ANKRD62: variants seen among roughly 807,000 people sequenced by gnomAD.
ANKRD62 encodes ankyrin repeat domain-containing protein 62.
A neutral mutation model predicts 98.8 loss-of-function variants in ANKRD62; 61 were observed. The observed-to-expected ratio is 0.62, with a 90% CI of 0.50 to 0.76. The LOEUF is 0.76. Among genes scored for constraint, ANKRD62 ranks in the 30% least tolerant of loss-of-function variants. The pLI, the probability that ANKRD62 is intolerant of heterozygous loss-of-function variation, is 0.00. For missense variants in ANKRD62, 933 were observed against 1,082.9 expected, an observed-to-expected ratio of 0.86 and a Z score of 1.94; for synonymous variants, 341 against 367.9, an observed-to-expected ratio of 0.93 and a Z score of 0.84.
intron 11 of ANKRD62, among the ~76,000 whole-genome samples, chr18:12,123,049 T>C (rs1299763221): frequency 6.6e-6 from 1 of 151,960 alleles, no homozygotes; most frequent in African/African-American, 2.4e-5. Flanking sequence ...TGTTTGTTTG[T>C]TTGTTTTTTG....
Position 12,093,962 on chromosome 18 carries a change from G to T in ANKRD62, c.-56G>T. The T allele has an allele frequency of 6.7e-7, 1 of 1,501,914 alleles. No individual in the cohort carries two copies. Among genetic ancestry groups the T allele is most frequent in the South Asian group, 1.2e-5 (1 of 83,164 alleles). The allele number at this position is 1,501,914 out of a possible 1,614,324, so 93.0% of individuals were successfully genotyped here. A position where few individuals can be genotyped will look rare whatever the true frequency, so the allele number is the denominator to read the frequency against. On this transcript the variant is annotated 5_prime_UTR_variant, in exon 1 of 14. Coordinates refer to ENST00000587848, the MANE Select transcript of ANKRD62 (RefSeq NM_001277333.2). ...CTCCAGAGAGGCAGAAAACGAGTGG[G>T]AGCTGAGGTGTCTTAAAGCCGTTCC...
At chr18:12,139,033 G>A in the ANKRD62 span, among the ~76,000 whole-genome samples, 3 of 152,194 alleles carry the variant, frequency 2.0e-5, no homozygotes, top group Non-Finnish European at 1.5e-5. Context: ...GGAGCATTTA[G>A]CCCATTTACA....
chr18:12,138,139 G>A, the ANKRD62 span, among the ~76,000 whole-genome samples: 3 of 152,028 alleles, frequency 2.0e-5, no homozygotes, highest in African/African-American at 7.3e-5. Flanking sequence ...TGTGATGTTA[G>A]GGTGTCAATT....
chr18:12,135,819 T>C, the ANKRD62 span, among the ~76,000 whole-genome samples: 431 of 151,314 alleles, frequency 2.8e-3, 4 homozygotes, highest in African/African-American at 9.9e-3. Context: ...TTTCATGTGT[T>C]TTTTGGCTGC....
At chr18:12,095,668 C>T in intron 3 of ANKRD62, 58 bp downstream of exon 3, 9 of 1,383,220 alleles carry the variant, frequency 6.5e-6, no homozygotes, top group Non-Finnish European at 8.5e-6. Context: ...TTACCATTGA[C>T]ATATGATTTT....
In ANKRD62 at chr18:12,115,101, A is replaced by C; in HGVS notation, c.1078A>C (p.Thr360Pro). 7.9e-6 allele frequency: 11 copies of C among 1,396,174 alleles called. No homozygotes were observed. The highest frequency in any genetic ancestry group is 9.2e-6 in the Non-Finnish European group (10 of 1,081,724). 86.5% of individuals were successfully genotyped at this position (1,396,174 alleles called of 1,614,324 possible). A position where few individuals can be genotyped will look rare whatever the true frequency, so the allele number is the denominator to read the frequency against. Residue 360 changes from threonine (T) to proline (P), a missense_variant, in exon 9 of 14, where the codon ACC becomes CCC. Physicochemically the swap from Thr to Pro is conservative, Grantham distance 38. Coordinates refer to ENST00000587848, the MANE Select transcript of ANKRD62 (RefSeq NM_001277333.2). ...TTTTTTTTTTAGGCTTGCAAGGAAA[A>C]CCTCTAATGAAAAGAGCAAGGTATT... ...NGEFDRLARK[T>P]SNEKSKVKSQ... is the part of the protein sequence containing the mutation.
chr18:12,161,511 G>A, the ANKRD62 span, among the ~76,000 whole-genome samples: 1 of 151,994 alleles, frequency 6.6e-6, no homozygotes, highest in Non-Finnish European at 1.5e-5. Context: ...ATCTTCTCAA[G>A]CATTCATCTT....
the ANKRD62 span, among the ~76,000 whole-genome samples, chr18:12,175,965 A>G: frequency 2.0e-5 from 3 of 151,728 alleles, no homozygotes; most frequent in African/African-American, 4.9e-5. Context: ...GCCGAGGTGG[A>G]TGAATCACTT....
At chr18:12,101,003 C>T (rs1318099530) in intron 6 of ANKRD62, among the ~76,000 whole-genome samples, 1 of 152,154 alleles carries the variant, frequency 6.6e-6, no homozygotes, top group Non-Finnish European at 1.5e-5. Context: ...AGCCCCACAA[C>T]TTAAAAATAC....
At position 12,125,687 on chromosome 18, in the gene ANKRD62, T is replaced by C; in HGVS notation, c.1866T>C (p.Ser622=). 5 of 1,538,456 alleles carry C rather than the reference T, an allele frequency of 3.3e-6. No homozygotes were observed. In the South Asian group the frequency reaches 6.0e-5, roughly 18 times the overall value. Residue 622 remains serine (S), a synonymous_variant, in exon 13 of 14, where the codon AGT becomes AGC. Coordinates refer to ENST00000587848, the MANE Select transcript of ANKRD62 (RefSeq NM_001277333.2). ...EALTKTITRY[S]KELNVLMDEN... ...TAACAAAAACAATAACCCGGTATAG[T>C]AAAGAGCTTAATGTTCTGATGGATG...
In ANKRD62 at chr18:12,094,037, T is replaced by A; in HGVS notation, c.20T>A (p.Phe7Tyr). MEVRGS[F>Y]LAACRRRMAT... ...TTCAGGATGGAGGTCAGGGGGTCGT[T>A]CCTGGCGGCCTGCAGGAGACGCATG... The change falls in exon 1 of 14, where the codon TTC (phenylalanine) becomes TAC (tyrosine). Residue 7 changes from phenylalanine (F) to tyrosine (Y), a missense_variant. By Grantham distance (22) the Phe-to-Tyr change is conservative (BLOSUM62 3). Coordinates refer to ENST00000587848, the MANE Select transcript of ANKRD62 (RefSeq NM_001277333.2). The A allele has an allele frequency of 6.5e-7, 1 of 1,534,942 alleles. No individual in the cohort carries two copies. The highest frequency in any genetic ancestry group is 8.7e-7 in the Non-Finnish European group (1 of 1,146,694).
In ANKRD62 at chr18:12,095,577, T is replaced by A; in HGVS notation, c.474T>A (p.Leu158=). 6.5e-7 allele frequency: 1 copy of A among 1,534,666 alleles called. No homozygotes were observed. Reference sequence around the variant, plus strand: ...ATATATCAATGGCAAGAAAACTGCTTGCATATGGTGCAGATATTGAAGCAA... The same window carrying A: ...ATATATCAATGGCAAGAAAACTGCTAGCATATGGTGCAGATATTGAAGCAA... The part of the protein sequence containing the change: ...NENISMARKL[L]AYGADIEARS... Residue 158 remains leucine (L), a synonymous_variant, in exon 3 of 14, where the codon CTT becomes CTA. Coordinates refer to ENST00000587848, the MANE Select transcript of ANKRD62 (RefSeq NM_001277333.2).
chr18:12,130,395 G>A (rs4797625), downstream of ANKRD62, among the ~76,000 whole-genome samples: 93,313 of 151,890 alleles, frequency 0.61, 29,094 homozygotes, highest in Middle Eastern at 0.76. Context: ...AAAAGCGAGC[G>A]GACAAAATTG....
chr18:12,112,801 C>T (rs1258104989), intron 8 of ANKRD62, among the ~76,000 whole-genome samples: 3 of 152,210 alleles, frequency 2.0e-5, no homozygotes, highest in African/African-American at 4.8e-5. Flanking sequence ...AGACGTTTTG[C>T]AAACTATGCA....
downstream of ANKRD62, among the ~76,000 whole-genome samples, chr18:12,132,448 TCTTC>T (rs764808373): frequency 3.0e-4 from 46 of 152,070 alleles, no homozygotes; most frequent in African/African-American, 5.3e-4. Context: ...TTCCTTTTTT[TCTTC>T]CTTCCTTCCT....
chr18:12,134,103 T>C (rs1910043976), downstream of ANKRD62, among the ~76,000 whole-genome samples: 1 of 152,208 alleles, frequency 6.6e-6, no homozygotes, highest in South Asian at 2.1e-4. Flanking sequence ...GAATTTTACA[T>C]ACTTGGAGAC....
At chr18:12,180,966 T>A in the ANKRD62 span, among the ~76,000 whole-genome samples, 1 of 137,776 alleles carries the variant, frequency 7.3e-6, no homozygotes, top group Non-Finnish European at 1.5e-5. Context: ...CAGGCCCCAG[T>A]GTGTGATGTT....
rs528177733 is a variant in ANKRD62, at chr18:12,103,052, A to T, written c.821-106A>T. 9.1e-5 allele frequency: 77 copies of T among 848,984 alleles called. No individual in the cohort carries two copies. The East Asian group carries it at 2.4e-3, about 27-fold the overall frequency. The allele number at this position is 848,984 out of a possible 1,614,324, so 52.6% of individuals were successfully genotyped here. ...AGATTAAGCTTCATTAAAATTCTCA[A>T]TTTATAGAAGAAAAATATGTTATTT... On this transcript the variant is annotated intron_variant, in intron 6 of 13. Transcript: ENST00000587848.
At position 12,094,043 on chromosome 18, in the gene ANKRD62, C is replaced by A. The variant is rs941256444; in HGVS notation, c.26C>A (p.Ala9Glu). 7 of 1,535,000 alleles carry A rather than the reference C, an allele frequency of 4.6e-6. No individual in the cohort carries two copies. Among genetic ancestry groups the A allele is most frequent in the East Asian group, 2.5e-5 (1 of 40,652 alleles). ...ATGGAGGTCAGGGGGTCGTTCCTGG[C>A]GGCCTGCAGGAGACGCATGGCTACC... MEVRGSFL[A>E]ACRRRMATWR... Residue 9 changes from alanine (A) to glutamate (E), a missense_variant, in exon 1 of 14, where the codon GCG becomes GAG. Around this residue, in one of 3 missense-constraint regions of ANKRD62, gnomAD observed 549 missense variants for 587.9 expected, o/e 0.93. Coordinates refer to ENST00000587848, the MANE Select transcript of ANKRD62 (RefSeq NM_001277333.2).
Sources: allele counts gnomAD v4.1 joint callset (sites outside exome capture counted in the v4.1 genomes callset), GRCh38; gene constraint gnomAD v4.1.1; regional missense constraint gnomAD v4.1.1; transcripts MANE v1.5; gene names NCBI Gene and HGNC (gene_info 2026-07-23, HGNC 2026-07-21).